The following PDE8B variants were observed in gnomAD, a reference collection of about 807,000 sequenced individuals.
The protein encoded by PDE8B is phosphodiesterase 8B.
PDE8B carries 26 observed loss-of-function variants against 101.3 expected under a neutral mutation model. The ratio of observed to expected loss-of-function variants is 0.26; its 90% CI spans 0.19 to 0.36. The LOEUF (loss-of-function observed/expected upper bound fraction) is 0.36. Ranked by LOEUF, PDE8B falls within the 10% of genes least tolerant of loss-of-function variation. The probability of loss-of-function intolerance (pLI) is 1.00; values close to 1 mark genes in which losing one functional copy is unlikely to be tolerated. For missense variants in PDE8B, 810 were observed against 1,163.1 expected (o/e 0.70, Z 4.42); for synonymous variants, 424 against 429.3 (o/e 0.99, Z 0.15).
At chr5:77,280,432 C>T (rs759017186) in intron 1 of PDE8B, among the ~76,000 whole-genome samples, 15 of 152,150 alleles carry the variant, frequency 9.9e-5, no homozygotes, top group Non-Finnish European at 1.8e-4. Flanking sequence ...AAACAAATTT[C>T]TGGAAAAATA....
At chr5:77,111,372 C>G in the PDE8B span, among the ~76,000 whole-genome samples, 1 of 152,264 alleles carries the variant, frequency 6.6e-6, no homozygotes, top group African/African-American at 2.4e-5. Flanking sequence ...ATGATTTTCT[C>G]TATACCATGG....
chr5:77,181,873 C>T, the PDE8B span, among the ~76,000 whole-genome samples: 48 of 152,114 alleles, frequency 3.2e-4, no homozygotes, highest in African/African-American at 1.1e-3. Context: ...CCAGGGGAGG[C>T]GAGGGCCAGA....
Position 77,312,033 on chromosome 5 carries a change from C to G in PDE8B, c.379C>G (p.Leu127Val). 2 of 1,612,586 alleles carry G rather than the reference C, an allele frequency of 1.2e-6. No individual in the cohort carries two copies. The highest frequency in any genetic ancestry group is 1.7e-6 in the Non-Finnish European group (2 of 1,178,848). The change falls in exon 2 of 22, where the codon CTG (leucine) becomes GTG (valine). Residue 127 changes from leucine to valine, a missense_variant. Leu to Val is a conservative substitution (Grantham distance 32). Around this residue, in one of 4 missense-constraint regions of PDE8B, gnomAD observed 251 missense variants for 378.8 expected, o/e 0.66. Coordinates refer to ENST00000264917, the MANE Select transcript of PDE8B (RefSeq NM_003719.5). Reference sequence around the variant, plus strand: ...GGAGGTGCGCATCGGGCCCATGAGACTGACGCAGGACCCTATTCAGGTACG... The same window carrying G: ...GGAGGTGCGCATCGGGCCCATGAGAGTGACGCAGGACCCTATTCAGGTACG... Reference protein sequence around the residue: ...SAEVRIGPMRLTQDPIQVLLI... With the variant: ...SAEVRIGPMRVTQDPIQVLLI...
intron 16 of PDE8B, among the ~76,000 whole-genome samples, chr5:77,412,787 T>A (rs1443465096): frequency 6.6e-6 from 1 of 151,942 alleles, no homozygotes; most frequent in Non-Finnish European, 1.5e-5. Flanking sequence ...GGAACATAAA[T>A]AAAGTGCAAG....
intron 10 of PDE8B, among the ~76,000 whole-genome samples, chr5:77,389,894 T>C (rs2150906667): frequency 6.6e-6 from 1 of 152,320 alleles, no homozygotes; most frequent in Admixed American, 6.5e-5. Context: ...CTTTGAACAT[T>C]CTTGGACAAG....
intron 3 of PDE8B, among the ~76,000 whole-genome samples, chr5:77,326,259 C>T (rs891468645): frequency 1.3e-5 from 2 of 152,266 alleles, no homozygotes; most frequent in East Asian, 1.9e-4. Flanking sequence ...GAAATGCTTG[C>T]ACTCTGGGGA....
intron 1 of PDE8B, among the ~76,000 whole-genome samples, chr5:77,223,025 G>A (rs1394870075): frequency 2.6e-5 from 4 of 152,140 alleles, no homozygotes. Flanking sequence ...AAGCTCTAAA[G>A]CAGCATTACC....
Position 77,210,955 on chromosome 5 carries a change from G to C in PDE8B, c.30G>C (p.Ser10=), listed in dbSNP as rs748007964. 1 of 1,520,260 alleles carries C rather than the reference G, an allele frequency of 6.6e-7. No homozygotes were observed. The allele number at this position is 1,520,260 out of a possible 1,614,324, so 94.2% of individuals were successfully genotyped here. MGCAPSIHV[S]QSGVIYCRDS... ...GCTGCGCCCCCAGCATCCATGTCTC[G>C]CAGAGCGGCGTGATCTACTGCCGGG... The change falls in exon 1 of 22, where the codon TCG becomes TCC. Residue 10 remains serine (S), a synonymous_variant. Transcript: ENST00000264917. The surrounding 1 kb of genome is among the most constrained non-coding windows in gnomAD (Gnocchi z 4.9).
chr5:77,234,804 C>A (rs912303914), intron 1 of PDE8B, among the ~76,000 whole-genome samples: 7 of 152,168 alleles, frequency 4.6e-5, no homozygotes, highest in African/African-American at 9.7e-5. Flanking sequence ...GCTTAGAATT[C>A]CAGCTGCCAC....
chr5:77,219,034 A>G (rs1750460062), intron 1 of PDE8B, among the ~76,000 whole-genome samples: 1 of 152,192 alleles, frequency 6.6e-6, no homozygotes, highest in Non-Finnish European at 1.5e-5. Context: ...GAGATGACAT[A>G]GTAGAATCTT....
chr5:77,412,045 G>A (rs987298960), intron 15 of PDE8B, 55 bp from the exon 16 acceptor site: 38 of 1,588,736 alleles, frequency 2.4e-5, no homozygotes, highest in African/African-American at 1.7e-4. Flanking sequence ...ACAGACACCC[G>A]GGCACTCAAG....
chr5:77,198,115 G>A, the PDE8B span, among the ~76,000 whole-genome samples: 1 of 151,982 alleles, frequency 6.6e-6, no homozygotes, highest in Non-Finnish European at 1.5e-5. Context: ...GTTAATTTTG[G>A]TTCCATTTAA....
the PDE8B span, among the ~76,000 whole-genome samples, chr5:77,204,365 C>T: frequency 1.3e-5 from 2 of 149,676 alleles, no homozygotes; most frequent in East Asian, 1.9e-4. Context: ...GAGCCGAGAT[C>T]GCACCACTGT....
intron 1 of PDE8B, among the ~76,000 whole-genome samples, chr5:77,225,467 C>G (rs992784029): frequency 6.6e-6 from 1 of 152,148 alleles, no homozygotes; most frequent in African/African-American, 2.4e-5. Flanking sequence ...TGACAGATTT[C>G]CTGCCTTTTT....
chr5:77,257,924 T>G (rs76411662), intron 1 of PDE8B, among the ~76,000 whole-genome samples: 3,212 of 152,090 alleles, frequency 0.021, 53 homozygotes, highest in Non-Finnish European at 0.029. Flanking sequence ...TAATAGCAAT[T>G]TGGGGAAAAA....
At chr5:77,096,631 C>G in the PDE8B span, among the ~76,000 whole-genome samples, 1 of 152,180 alleles carries the variant, frequency 6.6e-6, no homozygotes, top group African/African-American at 2.4e-5. Flanking sequence ...TCCCACTGGG[C>G]TCTTCCTCTC....
At chr5:77,113,173 T>G in the PDE8B span, 1 of 152,148 alleles carries the variant, frequency 6.6e-6, no homozygotes, top group Non-Finnish European at 1.5e-5. Context: ...AAAACTACTT[T>G]AAAGTTCATA....
At chr5:77,151,670 A>G in the PDE8B span, among the ~76,000 whole-genome samples, 1 of 152,198 alleles carries the variant, frequency 6.6e-6, no homozygotes, top group Non-Finnish European at 1.5e-5. Flanking sequence ...AGGTTAGATA[A>G]CATGCCTAAG....
chr5:77,314,831 A>G (rs1354264128), intron 2 of PDE8B, among the ~76,000 whole-genome samples: 3 of 152,074 alleles, frequency 2.0e-5, no homozygotes, highest in Admixed American at 6.5e-5. Flanking sequence ...GTTACTCTAA[A>G]TCCTTGATAA....
Sources: gnomAD v4.1 joint callset for allele counts (sites outside exome capture counted in the v4.1 genomes callset) on GRCh38, gnomAD v4.1.1 for gene constraint, gnomAD v4.1.1 regional missense constraint, Gnocchi (gnomAD v3.1) non-coding constraint, MANE v1.5 for transcripts, NCBI Gene and HGNC (gene_info 2026-07-23, HGNC 2026-07-21) for gene names.